Variants in MROH1 observed in about 807,000 individuals in gnomAD.
The protein encoded by MROH1 is maestro heat-like repeat-containing protein family member 1.
MROH1 carries 117 observed loss-of-function variants against 116.5 expected under a neutral mutation model. The observed-to-expected ratio is 1.00, with a 90% CI of 0.86 to 1.17. MROH1 has a LOEUF of 1.17. MROH1 is among the 50% of genes most tolerant of loss of function. The pLI is 0.00. For missense variants in MROH1, 1,873 were observed against 1,338.5 expected (o/e 1.40, Z -6.23); for synonymous variants, 921 against 583.9 (o/e 1.58, Z -8.32).
At chr8:144,169,854 G>T (rs1821998689) in intron 4 of MROH1, among the ~76,000 whole-genome samples, 1 of 151,324 alleles carries the variant, frequency 6.6e-6, no homozygotes, top group Admixed American at 6.6e-5. Flanking sequence ...TGTTTTTTGA[G>T]ATGGAATTTG....
At chr8:144,256,612 A>C (rs1843863229) in intron 35 of MROH1, among the ~76,000 whole-genome samples, 1 of 152,204 alleles carries the variant, frequency 6.6e-6, no homozygotes, top group East Asian at 1.9e-4. Flanking sequence ...GCTGCGAATC[A>C]GTGCCTCCGC....
intron 14 of MROH1, among the ~76,000 whole-genome samples, chr8:144,234,255 G>A (rs201697205): frequency 4.6e-5 from 7 of 151,958 alleles, no homozygotes; most frequent in Admixed American, 2.6e-4. Context: ...GTGATCCGCC[G>A]GCCTCGGCCT....
chr8:144,183,127 C>T (rs2131392400), intron 7 of MROH1, among the ~76,000 whole-genome samples: 1 of 152,032 alleles, frequency 6.6e-6, no homozygotes, highest in African/African-American at 2.4e-5. Context: ...CCTGTAATCC[C>T]AGTACTTTGG....
At chr8:144,253,376 G>A (rs924608484) in intron 33 of MROH1, among the ~76,000 whole-genome samples, 6 of 152,328 alleles carry the variant, frequency 3.9e-5, no homozygotes, top group Admixed American at 1.3e-4. Context: ...GCACTACAGC[G>A]GCAGGCTTGA....
In MROH1 at chr8:144,163,851, G is replaced by A. The variant is rs1489544330; in HGVS notation, c.22+3G>A. 2 of 1,613,728 alleles carry A rather than the reference G, an allele frequency of 1.2e-6. No homozygotes were observed. Among genetic ancestry groups the A allele is most frequent in the South Asian group, 1.1e-5 (1 of 91,060 alleles). On this transcript the variant is annotated splice_donor_region_variant and intron_variant, in intron 3 of 43. Transcript: ENST00000326134. The surrounding 1 kb of genome is among the most constrained non-coding windows in gnomAD (Gnocchi z 4.4). ...CATGACTGAGTCCTCCATGAAGAGTGAGTGCATGGGGATTGGGAGTGGCCG... is the reference window on the plus strand; with the variant it reads ...CATGACTGAGTCCTCCATGAAGAGTAAGTGCATGGGGATTGGGAGTGGCCG...
chr8:144,159,582 T>A (rs534951053), intron 1 of MROH1, among the ~76,000 whole-genome samples: 36 of 152,332 alleles, frequency 2.4e-4, no homozygotes, highest in African/African-American at 8.4e-4. Flanking sequence ...ATCCTTTTGC[T>A]TTTAACCTCG....
chr8:144,194,151 C>T (rs995661670), intron 10 of MROH1, among the ~76,000 whole-genome samples: 1 of 152,188 alleles, frequency 6.6e-6, no homozygotes, highest in Non-Finnish European at 1.5e-5. Context: ...CAACCTCCGC[C>T]TCCTGGGTTT....
rs1378164322 is a variant in MROH1, at chr8:144,261,785, TGCCTGAGCTCCAAGACAGG to T, written c.*50_*68del. 9.5e-4 allele frequency: 664 copies of T among 701,750 alleles called. No homozygotes were observed. Among genetic ancestry groups the T allele is most frequent in the Non-Finnish European group, 1.5e-3 (564 of 384,922 alleles). 43.5% of individuals were successfully genotyped at this position (701,750 alleles called of 1,614,324 possible). On this transcript the variant is annotated 3_prime_UTR_variant, in exon 44 of 44. Coordinates refer to ENST00000326134, the MANE Select transcript of MROH1 (RefSeq NM_032450.3). ...AGCGAGGAGTATGCACCCAGACCTG[TGCCTGAGCTCCAAGACAGG>T]GCCTCCTGAGGACCACAGCCTGGGC...
In MROH1 at chr8:144,242,449, G is replaced by A. The variant is rs2132946150; in HGVS notation, c.2259G>A (p.Arg753=). The change falls in exon 23 of 44, where the codon CGG becomes CGA. Residue 753 remains arginine, a synonymous_variant. Transcript: ENST00000326134. ...GGCACGTGGCGGCCCGGGCCCCCCG[G>A]GAGCTGGTGCTGGCCAAGGTAGAGT... ...CYGHVAARAP[R]ELVLAKVESD... The A allele has an allele frequency of 1.3e-6, 1 of 780,690 alleles. No individual in the cohort carries two copies. Among genetic ancestry groups the A allele is most frequent in the East Asian group, 2.4e-5 (1 of 41,242 alleles). The allele number at this position is 780,690 out of a possible 1,614,324, so 48.4% of individuals were successfully genotyped here. A position where few individuals can be genotyped will look rare whatever the true frequency, so the allele number is the denominator to read the frequency against.
At chr8:144,178,275 G>C (rs897087148) in intron 4 of MROH1, among the ~76,000 whole-genome samples, 1 of 152,152 alleles carries the variant, frequency 6.6e-6, no homozygotes, top group African/African-American at 2.4e-5. Context: ...GGGACTACAG[G>C]TGTGCGCCAC....
At chr8:144,176,372 CAA>C (rs61508054) in intron 4 of MROH1, among the ~76,000 whole-genome samples, 5 of 139,736 alleles carry the variant, frequency 3.6e-5, no homozygotes, top group African/African-American at 1.1e-4. Context: ...GACTGCATCT[CAA>C]AAAAAAAAAA....
intron 7 of MROH1, 103 bp from the exon 8 acceptor site, chr8:144,190,681 T>C (rs1408478012): frequency 2.8e-6 from 4 of 1,426,110 alleles, no homozygotes; most frequent in Non-Finnish European, 3.8e-6. Flanking sequence ...GAGGGCATCT[T>C]GCAGGCCGTG....
At chr8:144,260,866 G>T in intron 40 of MROH1, 34 bp downstream of exon 40, 1 of 777,616 alleles carries the variant, frequency 1.3e-6, no homozygotes. Context: ...GATGGGGTGG[G>T]TGGCCTCAAC....
chr8:144,166,101 A>G (rs746139168), intron 3 of MROH1, among the ~76,000 whole-genome samples: 1 of 150,432 alleles, frequency 6.6e-6, no homozygotes, highest in Non-Finnish European at 1.5e-5. Flanking sequence ...CTGGTCTTGA[A>G]CTCCTGACCT....
intron 1 of MROH1, among the ~76,000 whole-genome samples, chr8:144,148,331 A>G (rs1815912152): frequency 1.3e-5 from 2 of 152,126 alleles, no homozygotes; most frequent in Admixed American, 1.3e-4. Context: ...CTGCGCCGCT[A>G]AGTCGTCTCG....
At position 144,260,269 on chromosome 8, in the gene MROH1, G is replaced by A; in HGVS notation, c.4275G>A (p.Leu1425=). Residue 1425 remains leucine (L), a synonymous_variant, in exon 39 of 44, where the codon CTG becomes CTA. Transcript: ENST00000326134. ...DGDNPHSPVA[L]EAMLGLARLV... Reference sequence around the variant, plus strand: ...ACAACCCTCACAGCCCAGTGGCCCTGGAGGCCATGCTGGGCCTTGCGAGGC... The same window carrying A: ...ACAACCCTCACAGCCCAGTGGCCCTAGAGGCCATGCTGGGCCTTGCGAGGC... 2 of 766,122 alleles carry A rather than the reference G, an allele frequency of 2.6e-6. No homozygotes were observed. Among genetic ancestry groups the A allele is most frequent in the South Asian group, 1.3e-5 (1 of 74,086 alleles). 47.5% of individuals were successfully genotyped at this position (766,122 alleles called of 1,614,324 possible).
intron 12 of MROH1, among the ~76,000 whole-genome samples, chr8:144,218,197 G>A (rs764354995): frequency 2.0e-5 from 3 of 152,144 alleles, no homozygotes; most frequent in Non-Finnish European, 4.4e-5. Context: ...AGGCCGCCCT[G>A]CATATGTCAG....
At chr8:144,247,270 A>AG in intron 29 of MROH1, 31 bp from the exon 30 acceptor site, 1 of 762,486 alleles carries the variant, frequency 1.3e-6, no homozygotes, top group Non-Finnish European at 2.4e-6. Flanking sequence ...CACCCCCAGC[A>AG]TTCTAATAGC....
intron 12 of MROH1, among the ~76,000 whole-genome samples, chr8:144,204,088 CA>C (rs1426711068): frequency 2.6e-5 from 4 of 152,328 alleles, no homozygotes; most frequent in Admixed American, 6.5e-5. Flanking sequence ...GAACTTTTAA[CA>C]TCAGCACATA....
Sources: allele counts gnomAD v4.1 joint callset (sites outside exome capture counted in the v4.1 genomes callset), GRCh38; gene constraint gnomAD v4.1.1; non-coding constraint Gnocchi (gnomAD v3.1); transcripts MANE v1.5; gene names NCBI Gene and HGNC (gene_info 2026-07-23, HGNC 2026-07-21).